ASB15: variants seen among roughly 807,000 people sequenced by gnomAD.
ASB15 encodes ankyrin repeat and SOCS box protein 15.
A neutral mutation model predicts 58.0 loss-of-function variants in ASB15; 54 were observed. The ratio of observed to expected loss-of-function variants is 0.93; its 90% confidence interval spans 0.75 to 1.17. The LOEUF is 1.17. Among genes scored for constraint, ASB15 ranks in the 50% most tolerant of loss-of-function variants. ASB15 has a pLI of 0.00. For synonymous variants in ASB15, 249 were observed against 262.4 expected (o/e 0.95, Z 0.50); for missense variants, 680 against 707.4 (o/e 0.96, Z 0.44).
chr7:123,594,376 T>G (rs575723422), intron 1 of ASB15, among the ~76,000 whole-genome samples: 1 of 152,300 alleles, frequency 6.6e-6, no homozygotes, highest in African/African-American at 2.4e-5. Context: ...TTTTTGGAAT[T>G]TTCAGCCTTT....
rs1801838048 is a variant in ASB15 at position 123,627,103 on chromosome 7, C to G, written c.698-7C>G. ...AGTTATCATTATGCCACGTTTTATA[C>G]TGCCAGGTGGTGATGTGCTTGCTTT... On this transcript the variant is annotated splice_region_variant and splice_polypyrimidine_tract_variant and intron_variant, in intron 8 of 11. Coordinates refer to ENST00000451215, the MANE Select transcript of ASB15 (RefSeq NM_001290258.2). 1.2e-6 allele frequency: 2 copies of G among 1,609,850 alleles called. No individual in the cohort carries two copies. The highest frequency in any genetic ancestry group is 1.7e-6 in the Non-Finnish European group (2 of 1,177,260).
intron 2 of ASB15, 96 bp from the exon 3 acceptor site, chr7:123,608,498 T>TTG (rs530409637): frequency 8.0e-4 from 121 of 152,192 alleles, no homozygotes; most frequent in African/African-American, 2.8e-3. Context: ...CTAAGATTGT[T>TTG]TGTGTGTGTG....
chr7:123,630,151 A>T (rs971606411), intron 11 of ASB15, 32 bp downstream of exon 11: 2 of 1,511,818 alleles, frequency 1.3e-6, no homozygotes, highest in Non-Finnish European at 1.8e-6. Flanking sequence ...TACAATTTTT[A>T]AATTAAGAAC....
intron 11 of ASB15, among the ~76,000 whole-genome samples, chr7:123,635,421 G>A (rs1802367127): frequency 6.6e-6 from 1 of 152,022 alleles, no homozygotes. Flanking sequence ...GAGAAAAATG[G>A]TGAGGCTTAG....
At chr7:123,591,928 C>G (rs1381608337) in intron 1 of ASB15, among the ~76,000 whole-genome samples, 1 of 152,118 alleles carries the variant, frequency 6.6e-6, no homozygotes, top group Non-Finnish European at 1.5e-5. Context: ...CCTTCTGGCC[C>G]CAGACTTTTT....
rs1802494116 is a variant in ASB15, at chr7:123,637,808, A to G, written c.*827A>G. 1 of 148,238 alleles carries G rather than the reference A, an allele frequency of 6.7e-6. No individual in the cohort carries two copies. Among genetic ancestry groups the G allele is most frequent in the South Asian group, 2.2e-4 (1 of 4,578 alleles). The allele number at this position is 148,238 out of a possible 1,614,324, so 9.2% of individuals were successfully genotyped here. A position where few individuals can be genotyped will look rare whatever the true frequency, so the allele number is the denominator to read the frequency against. On this transcript the variant is annotated 3_prime_UTR_variant, in exon 12 of 12. Transcript: ENST00000451215. ...TCTTTCTCTCATGTTCTCCTGACCT[A>G]TGTAGACAATTGGCCTCATGAACAT...
rs762741345 is a variant in ASB15, at chr7:123,629,278, C to T, written c.1284C>T (p.Asp428=). The T allele has an allele frequency of 1.4e-5, 22 of 1,613,932 alleles. No homozygotes were observed. Among genetic ancestry groups the T allele is most frequent in the South Asian group, 2.2e-5 (2 of 91,082 alleles). Residue 428 remains aspartate (D), a synonymous_variant, in exon 10 of 12, where the codon GAC becomes GAT. Transcript: ENST00000451215. ...FPSVIQYALN[D]EVMLRLLLNN... is the part of the protein sequence containing the mutation. ...GTGTCATTCAATATGCTCTAAACGA[C>T]GAGGTAATGCTGAGGCTATTGCTGA...
intron 1 of ASB15, among the ~76,000 whole-genome samples, chr7:123,592,720 C>T (rs13242950): frequency 0.29 from 44,753 of 151,938 alleles, 6,732 homozygotes; most frequent in East Asian, 0.4. Flanking sequence ...TGGTCAATTT[C>T]GGAATAAGTG....
chr7:123,623,698 T>C (rs533988676), intron 7 of ASB15, among the ~76,000 whole-genome samples: 1 of 151,926 alleles, frequency 6.6e-6, no homozygotes, highest in East Asian at 1.9e-4. Flanking sequence ...ACCCTGTCTC[T>C]ACTAAAAATA....
At position 123,629,498 on chromosome 7, in the gene ASB15, T is replaced by C. The variant is rs888120681; in HGVS notation, c.1440+64T>C. Reference sequence around the variant, plus strand: ...CCTAATTTAATACATGTTCATTCAATTAGGGATGTTACAAGAAAAGAAAAA... The same window carrying C: ...CCTAATTTAATACATGTTCATTCAACTAGGGATGTTACAAGAAAAGAAAAA... On this transcript the variant is annotated intron_variant, in intron 10 of 11. Transcript: ENST00000451215. The C allele has an allele frequency of 1.6e-5, 22 of 1,346,320 alleles. No homozygotes were observed. In the East Asian group the frequency reaches 4.9e-4, roughly 30 times the overall value. 83.4% of individuals were successfully genotyped at this position (1,346,320 alleles called of 1,614,324 possible).
chr7:123,571,118 A>T (rs2116269200), intron 1 of ASB15, among the ~76,000 whole-genome samples: 1 of 152,340 alleles, frequency 6.6e-6, no homozygotes, highest in African/African-American at 2.4e-5. Flanking sequence ...GGAATAAATG[A>T]TCATTTCTTT....
intron 7 of ASB15, among the ~76,000 whole-genome samples, chr7:123,624,265 G>T (rs527558300): frequency 2.0e-5 from 3 of 152,136 alleles, no homozygotes; most frequent in African/African-American, 7.2e-5. Flanking sequence ...TGTTGGTGAA[G>T]AAATTAAAAT....
intron 7 of ASB15, among the ~76,000 whole-genome samples, chr7:123,618,044 T>G (rs1297715015): frequency 6.6e-6 from 1 of 152,102 alleles, no homozygotes; most frequent in Non-Finnish European, 1.5e-5. Flanking sequence ...AGGATCCAGT[T>G]GTAAGGAGGG....
chr7:123,635,102 TA>T (rs1189729448), intron 11 of ASB15, among the ~76,000 whole-genome samples: 1 of 152,206 alleles, frequency 6.6e-6, no homozygotes, highest in Non-Finnish European at 1.5e-5. Flanking sequence ...GCAAAAATTT[TA>T]AAAATGTACT....
At chr7:123,626,962 T>C in intron 8 of ASB15, 148 bp from the exon 9 acceptor site, 7 of 731,062 alleles carry the variant, frequency 9.6e-6, no homozygotes, top group Admixed American at 2.7e-5. Context: ...GATCTCGAAC[T>C]CCTGACCTCA....
At chr7:123,627,438 T>C (rs1801870449) in intron 9 of ASB15, among the ~76,000 whole-genome samples, 157 bp downstream of exon 9, 1 of 152,234 alleles carries the variant, frequency 6.6e-6, no homozygotes, top group Admixed American at 6.5e-5. Context: ...TTAGAACTTA[T>C]TTAATTTTCC....
At chr7:123,569,778 G>A (rs1476726699) in intron 1 of ASB15, among the ~76,000 whole-genome samples, 1 of 151,880 alleles carries the variant, frequency 6.6e-6, no homozygotes, top group Non-Finnish European at 1.5e-5. Flanking sequence ...CAGGGGACAT[G>A]TAGGAAACAC....
intron 1 of ASB15, among the ~76,000 whole-genome samples, chr7:123,572,385 C>T (rs1370680354): frequency 4.0e-5 from 6 of 151,508 alleles, no homozygotes; most frequent in Non-Finnish European, 8.8e-5. Context: ...ATGATCCGCC[C>T]GCCTCAGCCT....
chr7:123,610,587 T>C lies in ASB15; in HGVS notation c.-3+1933T>C, dbSNP rs994450192. On this transcript the variant is annotated intron_variant, in intron 3 of 11. Transcript: ENST00000451215. ...TTTACCAGGAGAACATGAAAAAACC[T>C]CTGAGATTCCATAAGTTCCCTAAAA... 4.6e-5 allele frequency among the ~76,000 whole-genome samples: 7 copies of C among 152,306 alleles called. No homozygotes were observed. In the East Asian group the frequency reaches 1.4e-3, roughly 29 times the overall value.
Sources: gnomAD v4.1 joint callset for allele counts (sites outside exome capture counted in the v4.1 genomes callset) on GRCh38, gnomAD v4.1.1 for gene constraint, MANE v1.5 for transcripts, NCBI Gene and HGNC (gene_info 2026-07-23, HGNC 2026-07-21) for gene names.